Variants in BMS1 observed in about 807,000 individuals in gnomAD.
BMS1 encodes the protein ribosome biogenesis protein BMS1 homolog.
Under a neutral mutation model 138.7 loss-of-function variants are expected in BMS1, and 53 were observed. The observed-to-expected ratio is 0.38, with a 90% CI of 0.31 to 0.48. BMS1 has a LOEUF of 0.48. BMS1 is among the 20% of genes least tolerant of loss of function. The pLI, the probability that BMS1 is intolerant of heterozygous loss-of-function variation, is 0.97. For missense variants in BMS1, 1,360 were observed against 1,565.5 expected, an observed-to-expected ratio of 0.87 and a Z score of 2.22; for synonymous variants, 504 against 539.9, an observed-to-expected ratio of 0.93 and a Z score of 0.92.
chr10:42,785,694 A>G (rs774041126), intron 3 of BMS1, 22 bp downstream of exon 3: 1 of 1,609,034 alleles, frequency 6.2e-7, no homozygotes, highest in African/African-American at 1.3e-5. Flanking sequence ...CACCACAGAC[A>G]CAGAGTTGGC....
chr10:42,802,256 C>T (rs902349851), intron 13 of BMS1, 38 bp downstream of exon 13: 21 of 1,566,236 alleles, frequency 1.3e-5, no homozygotes, highest in Non-Finnish European at 1.8e-5. Context: ...AGACTGGCTT[C>T]TCTAAACTTT....
chr10:42,788,851 TG>T (rs1292738881), intron 4 of BMS1, among the ~76,000 whole-genome samples: 2 of 152,238 alleles, frequency 1.3e-5, no homozygotes, highest in Non-Finnish European at 2.9e-5. Flanking sequence ...TAAACACACA[TG>T]CCACCCTTTA....
intron 15 of BMS1, among the ~76,000 whole-genome samples, chr10:42,817,999 T>C (rs1842399708): frequency 6.6e-6 from 1 of 152,184 alleles, no homozygotes; most frequent in Admixed American, 6.5e-5. Flanking sequence ...AGGGAGATGG[T>C]GTGGCCCTCC....
At chr10:42,820,798 C>T (rs1842484280) in intron 17 of BMS1, 110 bp downstream of exon 17, 1 of 1,410,092 alleles carries the variant, frequency 7.1e-7, no homozygotes, top group Non-Finnish European at 9.8e-7. Flanking sequence ...AGATTTTTCT[C>T]TTTTCTGGGA....
At position 42,797,212 on chromosome 10, in the gene BMS1, T is replaced by C; in HGVS notation, c.1968T>C (p.Asn656=). The change falls in exon 10 of 23, where the codon AAT becomes AAC. Residue 656 remains asparagine (N), a synonymous_variant. Transcript: ENST00000374518. ...AAGAAGATTACAAGGAAGAAAATAA[T>C]GATTCCAAAGAAACGTCAGGTAAGC... ...KEEEDYKEEN[N]DSKETSGALK... The C allele has an allele frequency of 6.2e-7, 1 of 1,603,804 alleles. No homozygotes were observed. Among genetic ancestry groups the C allele is most frequent in the Non-Finnish European group, 8.5e-7 (1 of 1,175,674 alleles).
At chr10:42,822,721 A>C (rs1842535777) in intron 19 of BMS1, among the ~76,000 whole-genome samples, 1 of 152,246 alleles carries the variant, frequency 6.6e-6, no homozygotes, top group South Asian at 2.1e-4. Context: ...CTTGCAATAT[A>C]AGGTAATAAT....
At chr10:42,801,597 T>C (rs1370140333) in intron 12 of BMS1, among the ~76,000 whole-genome samples, 1 of 152,254 alleles carries the variant, frequency 6.6e-6, no homozygotes, top group East Asian at 1.9e-4. Flanking sequence ...TGATAGATAA[T>C]GATGTTGAAC....
Position 42,796,999 on chromosome 10 carries a change from A to G in BMS1, c.1755A>G (p.Glu585=). Residue 585 remains glutamate (E), a synonymous_variant, in exon 10 of 23, where the codon GAA becomes GAG. Coordinates refer to ENST00000374518, the MANE Select transcript of BMS1 (RefSeq NM_014753.4). ...TCGATTCTGGGCATTGCACAGCTGA[A>G]GAGGTGTTTGCATCTGAAGATGAAT... is the stretch of plus-strand genomic sequence containing the variant. The part of the protein sequence containing the change: ...PTFDSGHCTA[E]EVFASEDESE... 7 of 1,614,208 alleles carry G rather than the reference A, an allele frequency of 4.3e-6. No individual in the cohort carries two copies. Among genetic ancestry groups the G allele is most frequent in the Non-Finnish European group, 5.9e-6 (7 of 1,180,024 alleles).
intron 17 of BMS1, 35 bp from the exon 18 acceptor site, chr10:42,820,899 G>T (rs1364069080): frequency 6.3e-7 from 1 of 1,582,184 alleles, no homozygotes; most frequent in African/African-American, 1.4e-5. Flanking sequence ...AAAATTTGTG[G>T]TTCGCTATAT....
intron 2 of BMS1, 96 bp from the exon 3 acceptor site, chr10:42,785,386 G>A (rs1841294917): frequency 3.8e-6 from 4 of 1,065,036 alleles, no homozygotes; most frequent in East Asian, 2.6e-5. Context: ...ATAGCTATAA[G>A]TGTACCAAAA....
At chr10:42,830,541 A>G (rs1842773599) in intron 22 of BMS1, 119 bp downstream of exon 22, 1 of 1,334,858 alleles carries the variant, frequency 7.5e-7, no homozygotes, top group Admixed American at 2.8e-5. Flanking sequence ...CTAAAGTCAG[A>G]GGAAGAGCCA....
chr10:42,802,405 C>G (rs1178381863), intron 13 of BMS1, among the ~76,000 whole-genome samples, 187 bp downstream of exon 13: 1 of 152,116 alleles, frequency 6.6e-6, no homozygotes, highest in Non-Finnish European at 1.5e-5. Flanking sequence ...TCTCAGTTGG[C>G]TGATTTACTG....
chr10:42,814,818 G>A (rs142243971), intron 13 of BMS1, among the ~76,000 whole-genome samples: 12,758 of 152,200 alleles, frequency 0.084, 881 homozygotes, highest in African/African-American at 0.18. Flanking sequence ...TGGGTGGGGA[G>A]TGGTGGTTGT....
rs756904942 is a variant in BMS1, at chr10:42,823,280, T to G, written c.3280+15T>G. The stretch of plus-strand genomic sequence containing the variant: ...GCTGATGAGCGGTGAGTGTCTTGAG[T>G]AGTGTTCAGGGCAGGGTGTTACCAT... On this transcript the variant is annotated intron_variant, in intron 20 of 22. Transcript: ENST00000374518. The G allele has an allele frequency of 1.3e-5, 21 of 1,555,672 alleles. No individual in the cohort carries two copies. In the East Asian group the frequency reaches 4.5e-4, roughly 34 times the overall value.
At chr10:42,805,537 T>C (rs1841988627) in intron 13 of BMS1, among the ~76,000 whole-genome samples, 1 of 152,184 alleles carries the variant, frequency 6.6e-6, no homozygotes, top group South Asian at 2.1e-4. Context: ...CCACTGCAAT[T>C]TTGATTGGGA....
chr10:42,828,425 C>T (rs1159567903), intron 21 of BMS1, among the ~76,000 whole-genome samples: 7 of 152,206 alleles, frequency 4.6e-5, no homozygotes, highest in South Asian at 4.1e-4. Flanking sequence ...CTTGCAGGTA[C>T]GGAGGGGCAC....
At chr10:42,816,174 C>G (rs1289418733) in intron 13 of BMS1, among the ~76,000 whole-genome samples, 1 of 152,112 alleles carries the variant, frequency 6.6e-6, no homozygotes, top group East Asian at 1.9e-4. Context: ...TGGCGGGTGC[C>G]TATAATCCCA....
rs187152132 is a variant in BMS1, at chr10:42,808,244, C to A, written c.2329+6026C>A. ...TGTAGTTTTCATTTTCTTAACGGGG[C>A]CTTTCACAGAGCAGAAGTTTTTATT... On this transcript the variant is annotated intron_variant, in intron 13 of 22. Transcript: ENST00000374518. Among the ~76,000 whole-genome samples the A allele has an allele frequency of 6.0e-3, 905 of 151,220 alleles. 3 individuals carry two copies. The highest frequency in any genetic ancestry group is 0.021 in the African/African-American group (859 of 41,286).
chr10:42,813,541 A>G (rs371562206), intron 13 of BMS1, among the ~76,000 whole-genome samples: 1 of 152,118 alleles, frequency 6.6e-6, no homozygotes, highest in South Asian at 2.1e-4. Context: ...TTCCGCTTGT[A>G]TGAATCACTG....
Sources: allele counts gnomAD v4.1 joint callset (sites outside exome capture counted in the v4.1 genomes callset), GRCh38; gene constraint gnomAD v4.1.1; transcripts MANE v1.5; gene names NCBI Gene and HGNC (gene_info 2026-07-23, HGNC 2026-07-21).